Variants in LUC7L2 observed in about 807,000 individuals in gnomAD.
LUC7L2 encodes LUC7 like 2, pre-mRNA splicing factor, also known as putative RNA-binding protein Luc7-like 2.
LUC7L2 carries 25 observed loss-of-function variants against 52.8 expected under a neutral mutation model. The ratio of observed to expected loss-of-function variants is 0.47; its 90% CI spans 0.34 to 0.66. LUC7L2 has a LOEUF of 0.66. Ranked by LOEUF, LUC7L2 falls within the 30% of genes least tolerant of loss-of-function variation. LUC7L2 has a pLI of 0.01. For missense variants in LUC7L2, 328 were observed against 497.8 expected, an observed-to-expected ratio of 0.66 and a Z score of 3.25; for synonymous variants, 144 against 160.9, an observed-to-expected ratio of 0.89 and a Z score of 0.80.
chr7:139,378,464 C>T (rs1430780038), intron 2 of LUC7L2, among the ~76,000 whole-genome samples: 1 of 151,834 alleles, frequency 6.6e-6, no homozygotes, highest in Non-Finnish European at 1.5e-5. Context: ...GTCCTAACTG[C>T]CTGGGAGGCT....
chr7:139,357,210 G>A (rs142328558), upstream of LUC7L2, among the ~76,000 whole-genome samples: 1 of 152,202 alleles, frequency 6.6e-6, no homozygotes, highest in African/African-American at 2.4e-5. Context: ...TAAAAATCAG[G>A]CAGGAAAGGA....
chr7:139,405,670 A>G lies in LUC7L2; in HGVS notation c.393A>G (p.Glu131=), dbSNP rs977684240. The change falls in exon 5 of 10, where the codon GAA becomes GAG. Residue 131 remains glutamate (E), a synonymous_variant. Coordinates refer to ENST00000354926, the MANE Select transcript of LUC7L2 (RefSeq NM_016019.5). ...AKAERVHELN[E]EIGKLLAKVE... is the part of the protein sequence containing the mutation. ...CAGAACGTGTTCATGAGTTAAATGA[A>G]GAAATTGGTAAATTGTTAGCCAAGG... The G allele has an allele frequency of 1.7e-5, 27 of 1,609,306 alleles. No individual in the cohort carries two copies. The highest frequency in any genetic ancestry group is 2.2e-5 in the Non-Finnish European group (26 of 1,178,898).
At chr7:139,409,770 G>A (rs1406745053) in intron 7 of LUC7L2, 116 bp downstream of exon 7, 3 of 1,360,372 alleles carry the variant, frequency 2.2e-6, no homozygotes, top group African/African-American at 1.5e-5. Flanking sequence ...GGAAACTTCT[G>A]CTTACTTTAA....
intron 6 of LUC7L2, among the ~76,000 whole-genome samples, chr7:139,408,658 AT>A (rs1003040118): frequency 6.6e-6 from 1 of 151,980 alleles, no homozygotes; most frequent in Non-Finnish European, 1.5e-5. Context: ...TCTGGCCAAT[AT>A]GGTGAAATCC....
intron 1 of LUC7L2, among the ~76,000 whole-genome samples, chr7:139,343,566 C>T (rs1249209603): frequency 1.3e-5 from 2 of 152,076 alleles, no homozygotes; most frequent in Admixed American, 6.6e-5. Context: ...GGCCACGGAG[C>T]GAGACCCTGT....
intron 8 of LUC7L2, among the ~76,000 whole-genome samples, chr7:139,415,620 G>A (rs1795560394): frequency 7.1e-6 from 1 of 140,112 alleles, no homozygotes. Context: ...TCTGTCCTGA[G>A]TAGCTGGGAC....
At chr7:139,360,480 CGGCAGGCG>C (rs1158699355) in intron 1 of LUC7L2, among the ~76,000 whole-genome samples, 158 bp downstream of exon 1, 1 of 152,302 alleles carries the variant, frequency 6.6e-6, no homozygotes, top group African/African-American at 2.4e-5. Flanking sequence ...AATCAGGGCT[CGGCAGGCG>C]GGCAGGGGGG....
chr7:139,357,056 G>A (rs575453005), upstream of LUC7L2, among the ~76,000 whole-genome samples: 3 of 152,208 alleles, frequency 2.0e-5, no homozygotes, highest in Non-Finnish European at 4.4e-5. Context: ...CCTCTCTTGG[G>A]GGAGGGGAGT....
At chr7:139,359,692 C>A (rs926583421), upstream of LUC7L2, 1 of 398,052 alleles carries the variant, frequency 2.5e-6, no homozygotes, top group African/African-American at 2.1e-5. Flanking sequence ...GGTTTGGCGC[C>A]TCGGGGCGGA....
intron 1 of LUC7L2, chr7:139,341,624 G>A: frequency 6.6e-7 from 1 of 1,508,286 alleles, no homozygotes; most frequent in Non-Finnish European, 8.9e-7. Flanking sequence ...GCATTTCTGA[G>A]GCCAACCCTC....
chr7:139,354,150 C>T (rs1799541186), intron 1 of LUC7L2, among the ~76,000 whole-genome samples: 1 of 151,958 alleles, frequency 6.6e-6, no homozygotes, highest in Non-Finnish European at 1.5e-5. Context: ...AACAGGAGAA[C>T]AAACTTCCAA....
chr7:139,379,613 C>T (rs1054848628), intron 2 of LUC7L2, among the ~76,000 whole-genome samples: 2 of 113,984 alleles, frequency 1.8e-5, no homozygotes, highest in Non-Finnish European at 3.3e-5. Context: ...TCTGTTGGCC[C>T]GGGTGGAGTG....
At chr7:139,421,206 C>G (rs1795890494) in intron 9 of LUC7L2, among the ~76,000 whole-genome samples, 1 of 152,168 alleles carries the variant, frequency 6.6e-6, no homozygotes, top group Non-Finnish European at 1.5e-5. Context: ...ATTTCTAAAA[C>G]TGAACAGTCA....
chr7:139,364,291 G>A (rs769552932), intron 1 of LUC7L2, among the ~76,000 whole-genome samples: 5 of 152,080 alleles, frequency 3.3e-5, no homozygotes, highest in East Asian at 1.9e-4. Flanking sequence ...AGGTAGTTCT[G>A]AGGGTTCTGT....
chr7:139,350,835 C>G (rs1799434216), intron 1 of LUC7L2, among the ~76,000 whole-genome samples: 1 of 151,948 alleles, frequency 6.6e-6, no homozygotes, highest in Non-Finnish European at 1.5e-5. Flanking sequence ...CGCCACAACG[C>G]CTGGCTAATT....
At chr7:139,363,194 C>T (rs1399248973) in intron 1 of LUC7L2, 6 of 985,206 alleles carry the variant, frequency 6.1e-6, no homozygotes, top group African/African-American at 1.7e-5. Context: ...TGGTGGCAAC[C>T]GCCTGTGTGC....
chr7:139,377,993 T>A (rs969636135), intron 2 of LUC7L2, among the ~76,000 whole-genome samples: 2 of 151,772 alleles, frequency 1.3e-5, no homozygotes, highest in Admixed American at 1.3e-4. Context: ...AATTTTTGTA[T>A]TTTTTGTAGA....
chr7:139,412,622 C>G (rs540402016), intron 8 of LUC7L2, 42 bp downstream of exon 8: 1 of 1,551,620 alleles, frequency 6.4e-7, no homozygotes, highest in Admixed American at 2.1e-5. Flanking sequence ...GTGAAGTTGT[C>G]TTTTTCAAAG....
intron 1 of LUC7L2, chr7:139,345,686 G>A: frequency 1.9e-6 from 3 of 1,614,128 alleles, no homozygotes; most frequent in South Asian, 2.2e-5. Flanking sequence ...AGCCTGGAGG[G>A]AAGGGCTGGG....
Sources: allele counts gnomAD v4.1 joint callset (sites outside exome capture counted in the v4.1 genomes callset), GRCh38; gene constraint gnomAD v4.1.1; transcripts MANE v1.5; gene names NCBI Gene and HGNC (gene_info 2026-07-23, HGNC 2026-07-21).